SRL: variants seen among roughly 807,000 people sequenced by gnomAD.
SRL encodes sarcalumenin.
A neutral mutation model predicts 39.5 loss-of-function variants in SRL; 23 were observed. That is an observed-to-expected ratio of 0.58 (90% CI 0.42 to 0.82). The LOEUF (loss-of-function observed/expected upper bound fraction) is 0.82, where lower values mean the gene tolerates loss of function less well. Among genes scored for constraint, SRL ranks in the 40% least tolerant of loss-of-function variants. The probability of loss-of-function intolerance (pLI) is 0.00; values close to 1 mark genes in which losing one functional copy is unlikely to be tolerated. For synonymous variants in SRL, 272 were observed against 237.4 expected (o/e 1.15, Z -1.34); for missense variants, 592 against 607.8 (o/e 0.97, Z 0.27).
At chr16:4,209,272 CA>C (rs1250908902) in intron 1 of SRL, among the ~76,000 whole-genome samples, 58 of 140,434 alleles carry the variant, frequency 4.1e-4, no homozygotes, top group Admixed American at 5.0e-4. Flanking sequence ...GACTCCATCT[CA>C]AAAAAAAAAA....
intron 1 of SRL, among the ~76,000 whole-genome samples, chr16:4,221,410 C>T (rs746169716): frequency 1.1e-4 from 16 of 152,324 alleles, no homozygotes; most frequent in Non-Finnish European, 1.8e-4. Flanking sequence ...GCTGCCTACT[C>T]CCTAGTTCCC....
rs535242472 is a variant in SRL, at chr16:4,196,109, C to T, written c.377-323G>A. 2.6e-5 allele frequency among the ~76,000 whole-genome samples: 4 copies of T among 151,930 alleles called. No homozygotes were observed. In the South Asian group the frequency reaches 8.3e-4, roughly 32 times the overall value. On this transcript the variant is annotated intron_variant, in intron 4 of 5. Coordinates refer to ENST00000399609, the MANE Select transcript of SRL (RefSeq NM_001098814.2). ...CCGAGTAGCTGAGATTACAGGCACT[C>T]GCCACCATGCCTGGCTAATTTTTGT...
Position 4,240,526 on chromosome 16 carries a change from C to A in SRL, c.61+1481G>T, listed in dbSNP as rs148602224. 3.3e-3 allele frequency among the ~76,000 whole-genome samples: 509 copies of A among 152,226 alleles called. 2 individuals carry two copies. Among genetic ancestry groups the A allele is most frequent in the African/African-American group, 0.012 (484 of 41,508 alleles). ...TTTACGCCGGAGGTTGGGCCAGGGG[C>A]AGACGCACGCTGTGGGACCCAGGAA... is the stretch of plus-strand genomic sequence containing the variant. On this transcript the variant is annotated intron_variant, in intron 1 of 5. Transcript: ENST00000399609.
At chr16:4,233,547 C>T (rs530038019) in intron 1 of SRL, among the ~76,000 whole-genome samples, 7 of 152,242 alleles carry the variant, frequency 4.6e-5, no homozygotes, top group Admixed American at 3.9e-4. Flanking sequence ...CCAGAGTGAG[C>T]ATAGACTGCT....
chr16:4,196,865 C>T lies in SRL; in HGVS notation c.376+934G>A, dbSNP rs139759325. ...TTAGCATAATGTCTTCATGGTTCATCCATGTAGCAGATATCAGAATTTCAT... is the reference window on the plus strand; with the variant it reads ...TTAGCATAATGTCTTCATGGTTCATTCATGTAGCAGATATCAGAATTTCAT... On this transcript the variant is annotated intron_variant, in intron 4 of 5. Transcript: ENST00000399609. 1.1e-4 allele frequency among the ~76,000 whole-genome samples: 17 copies of T among 152,172 alleles called. No individual in the cohort carries two copies. In the East Asian group the frequency reaches 3.3e-3, roughly 29 times the overall value.
chr16:4,196,754 C>T (rs2052151744), intron 4 of SRL, among the ~76,000 whole-genome samples: 1 of 152,172 alleles, frequency 6.6e-6, no homozygotes, highest in Non-Finnish European at 1.5e-5. Flanking sequence ...GCTGGGATTA[C>T]AGGCGTGAGC....
intron 1 of SRL, among the ~76,000 whole-genome samples, chr16:4,236,110 T>G (rs1265455270): frequency 6.6e-6 from 1 of 152,086 alleles, no homozygotes; most frequent in Non-Finnish European, 1.5e-5. Flanking sequence ...AGAAAAATAT[T>G]TTCTCTACCT....
rs189526556 is a variant in SRL at position 4,235,909 on chromosome 16, A to G, written c.61+6098T>C. On this transcript the variant is annotated intron_variant, in intron 1 of 5. Coordinates refer to ENST00000399609, the MANE Select transcript of SRL (RefSeq NM_001098814.2). ...CGAAACCAGCCTGACCAACATGGAGAAACTCCGCCTCTACTAAAAATGCAA... is the reference window on the plus strand; with the variant it reads ...CGAAACCAGCCTGACCAACATGGAGGAACTCCGCCTCTACTAAAAATGCAA... 3.5e-3 allele frequency among the ~76,000 whole-genome samples: 535 copies of G among 152,060 alleles called. 2 individuals carry two copies. Among genetic ancestry groups the G allele is most frequent in the African/African-American group, 0.012 (495 of 41,438 alleles).
In SRL at chr16:4,216,952, G is replaced by A. The variant is rs572382011; in HGVS notation, c.62-12318C>T. Among the ~76,000 whole-genome samples, 40 of 152,290 alleles carry A rather than the reference G, an allele frequency of 2.6e-4. No homozygotes were observed. In the Middle Eastern group the frequency reaches 0.014, roughly 52 times the overall value. ...AAGACTTACTGGAAGCCAAGGGAGC[G>A]TGGCTCCCGCAGGTCTCAGTCTAAC... On this transcript the variant is annotated intron_variant, in intron 1 of 5. Transcript: ENST00000399609.
intron 3 of SRL, among the ~76,000 whole-genome samples, chr16:4,200,365 A>T (rs987975142): frequency 3.3e-5 from 5 of 152,188 alleles, no homozygotes; most frequent in African/African-American, 9.6e-5. Context: ...GACAAACCAC[A>T]AACAGGGCCC....
chr16:4,208,428 G>T (rs1253353842), intron 1 of SRL, among the ~76,000 whole-genome samples: 2 of 152,000 alleles, frequency 1.3e-5, no homozygotes, highest in Non-Finnish European at 2.9e-5. Flanking sequence ...TCAAGCTTCC[G>T]GGCTTGGTCC....
At chr16:4,200,113 A>G (rs12324980) in intron 3 of SRL, among the ~76,000 whole-genome samples, 9,112 of 152,218 alleles carry the variant, frequency 0.06, 510 homozygotes, top group East Asian at 0.32. Flanking sequence ...TGTCTTATAC[A>G]TGGCAGGCAC....
At chr16:4,240,140 A>C (rs1249319268) in intron 1 of SRL, among the ~76,000 whole-genome samples, 3 of 152,224 alleles carry the variant, frequency 2.0e-5, no homozygotes, top group Non-Finnish European at 4.4e-5. Context: ...CCTAGGAAGC[A>C]GATGGGAGTG....
intron 1 of SRL, among the ~76,000 whole-genome samples, chr16:4,209,420 C>T (rs1049242271): frequency 1.3e-5 from 2 of 152,174 alleles, no homozygotes; most frequent in African/African-American, 4.8e-5. Context: ...CTGAGGCAGC[C>T]TCTGTTCTTC....
At chr16:4,220,308 C>CACACACACACACAA (rs1326315986) in intron 1 of SRL, among the ~76,000 whole-genome samples, 12 of 151,348 alleles carry the variant, frequency 7.9e-5, no homozygotes. Context: ...CACACACACA[C>CACACACACACACAA]AAATAACCGG....
rs775242809 is a variant in SRL at position 4,192,214 on chromosome 16, G to A, written c.1361C>T (p.Ala454Val). The A allele has an allele frequency of 6.2e-7, 1 of 1,601,538 alleles. No homozygotes were observed. The highest frequency in any genetic ancestry group is 8.5e-7 in the Non-Finnish European group (1 of 1,175,106). The change falls in exon 6 of 6, where the codon GCT becomes GTT. Residue 454 changes from alanine to valine, a missense_variant. Coordinates refer to ENST00000399609, the MANE Select transcript of SRL (RefSeq NM_001098814.2). This position sits in a 1 kb window ranked among gnomAD's most constrained non-coding sequence, Gnocchi z 4.0. ...GSLGLGKNPG[A>V]LNCDKTGCSE... ...ACACCCTGTTTTGTCACAGTTGAGA[G>A]CACCTGGATTCTTCCCGAGCCCGAG...
chr16:4,236,053 A>G (rs1241542770), intron 1 of SRL, among the ~76,000 whole-genome samples: 1 of 152,226 alleles, frequency 6.6e-6, no homozygotes, highest in Non-Finnish European at 1.5e-5. Context: ...CAGCCTGCGC[A>G]ACAGAGTGAG....
At chr16:4,197,406 C>T (rs1597267252) in intron 4 of SRL, among the ~76,000 whole-genome samples, 1 of 138,726 alleles carries the variant, frequency 7.2e-6, no homozygotes, top group African/African-American at 2.7e-5. Flanking sequence ...GTGCATGTGG[C>T]ATAACTTTTC....
intron 1 of SRL, among the ~76,000 whole-genome samples, chr16:4,209,995 T>G (rs12923343): frequency 6.6e-6 from 1 of 152,136 alleles, no homozygotes; most frequent in African/African-American, 2.4e-5. Context: ...TGCCTTCTCT[T>G]CAGGCTCAAG....
Sources: allele counts gnomAD v4.1 joint callset (sites outside exome capture counted in the v4.1 genomes callset), GRCh38; gene constraint gnomAD v4.1.1; non-coding constraint Gnocchi (gnomAD v3.1); transcripts MANE v1.5; gene names NCBI Gene and HGNC (gene_info 2026-07-23, HGNC 2026-07-21).